LAMA2: variants seen among roughly 807,000 people sequenced by gnomAD.
The protein encoded by LAMA2 is laminin subunit alpha 2.
A neutral mutation model predicts 364.8 loss-of-function variants in LAMA2; 269 were observed. The observed-to-expected ratio is 0.74, with a 90% CI of 0.67 to 0.82. The LOEUF (loss-of-function observed/expected upper bound fraction) is 0.82, where lower values mean the gene tolerates loss of function less well. Ranked by LOEUF, LAMA2 falls within the 40% of genes least tolerant of loss-of-function variation. The pLI is 0.00. For synonymous variants in LAMA2, 1,379 were observed against 1,370.6 expected (o/e 1.01, Z -0.14); for missense variants, 3,807 against 3,873.2 (o/e 0.98, Z 0.45).
chr6:128,921,697 G>GTT lies in LAMA2; in HGVS notation c.112+38355_112+38356dup, dbSNP rs547882651. ...CTCCTGAACTGTGAAATGAATGTCTGTTTTTTTTTTTTTTTTATTATTATT... is the reference window on the plus strand; with the variant it reads ...CTCCTGAACTGTGAAATGAATGTCTGTTTTTTTTTTTTTTTTTTATTATTATT... On this transcript the variant is annotated intron_variant, in intron 1 of 64. Coordinates refer to ENST00000421865, the MANE Select transcript of LAMA2 (RefSeq NM_000426.4). 7.3e-4 allele frequency among the ~76,000 whole-genome samples: 86 copies of GTT among 118,028 alleles called. 1 individual carries two copies. The highest frequency in any genetic ancestry group is 2.8e-3 in the Admixed American group (34 of 12,308). 77.4% of individuals were successfully genotyped at this position (118,028 alleles called of 152,430 possible). A position where few individuals can be genotyped will look rare whatever the true frequency, so the allele number is the denominator to read the frequency against.
At chr6:129,335,644 T>C (rs549025243) in intron 29 of LAMA2, among the ~76,000 whole-genome samples, 2 of 152,296 alleles carry the variant, frequency 1.3e-5, no homozygotes, top group East Asian at 3.9e-4. Flanking sequence ...TACCTCTATC[T>C]TCAGTAAATA....
intron 1 of LAMA2, among the ~76,000 whole-genome samples, chr6:128,917,506 A>T (rs1778397284): frequency 6.6e-6 from 1 of 152,004 alleles, no homozygotes; most frequent in Admixed American, 6.6e-5. Flanking sequence ...TTGCTTCAGG[A>T]CTTACATATT....
At chr6:129,167,661 C>A (rs934696918) in intron 9 of LAMA2, among the ~76,000 whole-genome samples, 1 of 152,128 alleles carries the variant, frequency 6.6e-6, no homozygotes, top group Admixed American at 6.5e-5. Flanking sequence ...ATTTACAGTC[C>A]TTTGGGTATA....
intron 1 of LAMA2, among the ~76,000 whole-genome samples, chr6:128,965,553 A>G (rs538594865): frequency 5.9e-5 from 9 of 152,116 alleles, no homozygotes; most frequent in Middle Eastern, 3.4e-3. Flanking sequence ...TTTCTTGCTT[A>G]TTTGAATCAT....
At chr6:129,120,068 ATTG>A (rs1417078427) in intron 4 of LAMA2, among the ~76,000 whole-genome samples, 2 of 152,214 alleles carry the variant, frequency 1.3e-5, no homozygotes, top group Non-Finnish European at 2.9e-5. Flanking sequence ...ACAACCAGAA[ATTG>A]TTGGGTCCAT....
chr6:129,150,402 C>A (rs1428378175), intron 7 of LAMA2, among the ~76,000 whole-genome samples: 1 of 152,150 alleles, frequency 6.6e-6, no homozygotes, highest in African/African-American at 2.4e-5. Context: ...TGTAGAATAT[C>A]AGTAATCATA....
intron 21 of LAMA2, 120 bp from the exon 22 acceptor site, chr6:129,300,616 A>T: frequency 1.0e-6 from 1 of 995,768 alleles, no homozygotes; most frequent in Non-Finnish European, 1.6e-6. Flanking sequence ...ATTTCCAAAT[A>T]TCCTTAAGTG....
rs187877715 is a variant in LAMA2, at chr6:128,899,151, C to G, written c.112+15794C>G. Among the ~76,000 whole-genome samples the G allele has an allele frequency of 1.3e-4, 20 of 152,230 alleles. No homozygotes were observed. In the South Asian group the frequency reaches 2.1e-3, roughly 16 times the overall value. ...GAATATAAATTTTGTTATAAAATGG[C>G]CTTCATCTCCAGAGCTGAGGAGATA... On this transcript the variant is annotated intron_variant, in intron 1 of 64. Transcript: ENST00000421865.
At chr6:129,439,863 T>C (rs1471306099) in intron 42 of LAMA2, among the ~76,000 whole-genome samples, 1 of 145,182 alleles carries the variant, frequency 6.9e-6, no homozygotes, top group African/African-American at 2.5e-5. Flanking sequence ...TCTCAATTGG[T>C]TATATAGATA....
In LAMA2 at chr6:128,983,859, T is replaced by C. The variant is rs529298545; in HGVS notation, c.113-66059T>C. ...ATGAGTGGAGGGAGTGGAAATGAAGTCACATGGCTGCAGTTGCCATTTATT... is the reference window on the plus strand; with the variant it reads ...ATGAGTGGAGGGAGTGGAAATGAAGCCACATGGCTGCAGTTGCCATTTATT... On this transcript the variant is annotated intron_variant, in intron 1 of 64. Coordinates refer to ENST00000421865, the MANE Select transcript of LAMA2 (RefSeq NM_000426.4). Among the ~76,000 whole-genome samples, 7 of 152,216 alleles carry C rather than the reference T, an allele frequency of 4.6e-5. No homozygotes were observed. In the South Asian group the frequency reaches 1.5e-3, roughly 32 times the overall value.
intron 60 of LAMA2, among the ~76,000 whole-genome samples, chr6:129,503,604 T>C (rs1188419822): frequency 6.6e-6 from 1 of 152,236 alleles, no homozygotes; most frequent in Non-Finnish European, 1.5e-5. Flanking sequence ...CAGAGTGTGT[T>C]CACCATCAAG....
intron 34 of LAMA2, among the ~76,000 whole-genome samples, chr6:129,371,773 AT>A (rs1482136864): frequency 1.3e-5 from 2 of 150,954 alleles, no homozygotes; most frequent in African/African-American, 4.9e-5. Context: ...CACCTGGCTA[AT>A]TTTTTTTGTA....
At chr6:129,398,472 CTTTTTTTTTT>C (rs71028159) in intron 37 of LAMA2, among the ~76,000 whole-genome samples, 1 of 110,552 alleles carries the variant, frequency 9.0e-6, no homozygotes, top group Non-Finnish European at 1.8e-5. Flanking sequence ...CTTTTCTTTT[CTTTTTTTTTT>C]TTTTTTTTTT....
At chr6:129,505,468 T>G (rs1213096272) in intron 61 of LAMA2, 113 bp downstream of exon 61, 2 of 796,274 alleles carry the variant, frequency 2.5e-6, no homozygotes, top group African/African-American at 3.5e-5. Context: ...GAATAGGAAG[T>G]CATCTTTTCT....
intron 63 of LAMA2, 117 bp downstream of exon 63, chr6:129,512,610 G>A (rs750895577): frequency 3.7e-5 from 43 of 1,155,352 alleles, no homozygotes; most frequent in Middle Eastern, 4.0e-4. Flanking sequence ...TTTGTTGGGA[G>A]AAAGCTAAAT....
chr6:129,491,212 T>C (rs1784845353), intron 56 of LAMA2: 1 of 152,322 alleles, frequency 6.6e-6, no homozygotes, highest in Non-Finnish European at 1.5e-5. Context: ...CTTTGGTCAT[T>C]TTCATCAGAA....
intron 4 of LAMA2, among the ~76,000 whole-genome samples, chr6:129,116,097 A>C (rs1583069613): frequency 6.6e-6 from 1 of 152,258 alleles, no homozygotes; most frequent in East Asian, 1.9e-4. Flanking sequence ...GGAAGAAACT[A>C]AGTTGACTAA....
chr6:128,990,101 CAA>C (rs1783514901), intron 1 of LAMA2, among the ~76,000 whole-genome samples: 1 of 152,098 alleles, frequency 6.6e-6, no homozygotes, highest in South Asian at 2.1e-4. Context: ...CTATTAAAAC[CAA>C]ACAGAAAACT....
chr6:129,431,126 C>A (rs147236017), intron 41 of LAMA2, among the ~76,000 whole-genome samples: 2 of 151,914 alleles, frequency 1.3e-5, no homozygotes, highest in African/African-American at 4.8e-5. Context: ...TGGCCAGGTG[C>A]GGTGGCTCGC....
Sources: gnomAD v4.1 joint callset for allele counts (sites outside exome capture counted in the v4.1 genomes callset) on GRCh38, gnomAD v4.1.1 for gene constraint, MANE v1.5 for transcripts, NCBI Gene and HGNC (gene_info 2026-07-23, HGNC 2026-07-21) for gene names.